The following CAMK1D variants were observed in gnomAD, a reference collection of about 807,000 sequenced individuals.
The protein encoded by CAMK1D is calcium/calmodulin-dependent protein kinase type 1D.
CAMK1D carries 9 observed loss-of-function variants against 47.7 expected under a neutral mutation model. The observed-to-expected ratio is 0.19, with a 90% CI of 0.11 to 0.33. CAMK1D has a LOEUF of 0.33. CAMK1D is among the 10% of genes least tolerant of loss of function. CAMK1D has a pLI of 1.00. For synonymous variants in CAMK1D, 184 were observed against 184.9 expected, an observed-to-expected ratio of 0.99 and a Z score of 0.04; for missense variants, 291 against 488.7, an observed-to-expected ratio of 0.60 and a Z score of 3.81.
At chr10:12,558,440 G>C (rs535964253) in intron 2 of CAMK1D, among the ~76,000 whole-genome samples, 1 of 152,220 alleles carries the variant, frequency 6.6e-6, no homozygotes, top group Admixed American at 6.5e-5. Context: ...TATAATCACA[G>C]CTACTTGGGA....
At chr10:12,396,027 C>G (rs559411194) in intron 1 of CAMK1D, among the ~76,000 whole-genome samples, 1 of 152,074 alleles carries the variant, frequency 6.6e-6, no homozygotes, top group African/African-American at 2.4e-5. Flanking sequence ...GTGCCCGCCA[C>G]CACACCTGGC....
At chr10:12,728,407 G>C (rs1173815760) in intron 3 of CAMK1D, among the ~76,000 whole-genome samples, 2 of 152,200 alleles carry the variant, frequency 1.3e-5, no homozygotes, top group African/African-American at 4.8e-5. Context: ...TATAATGTTA[G>C]TCCATTAGCA....
At chr10:12,544,797 GATA>G (rs1836308054) in intron 1 of CAMK1D, among the ~76,000 whole-genome samples, 1 of 151,160 alleles carries the variant, frequency 6.6e-6, no homozygotes, top group Non-Finnish European at 1.5e-5. Flanking sequence ...GTGTTGAGTG[GATA>G]GTACTAGTGT....
At chr10:12,531,992 C>T (rs991175616) in intron 1 of CAMK1D, among the ~76,000 whole-genome samples, 3 of 152,198 alleles carry the variant, frequency 2.0e-5, no homozygotes, top group Admixed American at 6.5e-5. Flanking sequence ...GTCCCTTACC[C>T]GGCTCTTCCC....
At chr10:12,776,538 T>C (rs958601620) in intron 5 of CAMK1D, among the ~76,000 whole-genome samples, 45 of 152,238 alleles carry the variant, frequency 3.0e-4, no homozygotes, top group African/African-American at 8.9e-4. Flanking sequence ...ACAGGCTGGG[T>C]TCCTGTGAGC....
chr10:12,776,271 T>C (rs1019351754), intron 5 of CAMK1D, among the ~76,000 whole-genome samples: 1 of 152,242 alleles, frequency 6.6e-6, no homozygotes, highest in African/African-American at 2.4e-5. Flanking sequence ...TCAAAGGTTT[T>C]TGGGCCTGAT....
At position 12,686,479 on chromosome 10, in the gene CAMK1D, G is replaced by A. The variant is rs1018629648; in HGVS notation, c.299+19669G>A. On this transcript the variant is annotated intron_variant, in intron 3 of 10. Transcript: ENST00000619168. ...TGGGATTACAGGCACGCACCACCACGTCCAGCTAATTTTTTGTTATTTTTA... is the reference window on the plus strand; with the variant it reads ...TGGGATTACAGGCACGCACCACCACATCCAGCTAATTTTTTGTTATTTTTA... 8.6e-5 allele frequency among the ~76,000 whole-genome samples: 13 copies of A among 151,872 alleles called. No individual in the cohort carries two copies. In the South Asian group the frequency reaches 2.3e-3, roughly 27 times the overall value.
rs1439045215 is a variant in CAMK1D at position 12,381,390 on chromosome 10, G to A, written c.92+31480G>A. Among the ~76,000 whole-genome samples the A allele has an allele frequency of 2.0e-5, 3 of 148,412 alleles. No individual in the cohort carries two copies. In the East Asian group the frequency reaches 5.9e-4, roughly 29 times the overall value. On this transcript the variant is annotated intron_variant, in intron 1 of 10. Coordinates refer to ENST00000619168, the MANE Select transcript of CAMK1D (RefSeq NM_153498.4). Reference sequence around the variant, plus strand: ...GGATTCTCCTTCTGTCACTCAGGCTGGAGTGCACGATCTTGGTTCACTCCA... The same window carrying A: ...GGATTCTCCTTCTGTCACTCAGGCTAGAGTGCACGATCTTGGTTCACTCCA...
chr10:12,455,271 A>G (rs1833206953), intron 1 of CAMK1D, among the ~76,000 whole-genome samples: 1 of 152,204 alleles, frequency 6.6e-6, no homozygotes. Context: ...TCCCGGGCTT[A>G]AGCAATCCTC....
chr10:12,822,854 A>G (rs1388821065), intron 8 of CAMK1D, among the ~76,000 whole-genome samples: 1 of 152,162 alleles, frequency 6.6e-6, no homozygotes, highest in East Asian at 1.9e-4. Flanking sequence ...CAAATACTCT[A>G]TTTCTGTTTC....
chr10:12,616,802 C>T (rs1249658253), intron 2 of CAMK1D, among the ~76,000 whole-genome samples: 1 of 152,154 alleles, frequency 6.6e-6, no homozygotes, highest in Non-Finnish European at 1.5e-5. Context: ...CAGGCCTGAG[C>T]CACCGCGCCT....
intron 2 of CAMK1D, among the ~76,000 whole-genome samples, chr10:12,661,357 G>A (rs1840269610): frequency 6.6e-6 from 1 of 152,224 alleles, no homozygotes; most frequent in Admixed American, 6.5e-5. Context: ...GGGCTAGGGA[G>A]TGAGAATAGA....
At chr10:12,811,479 T>C (rs1832604183) in intron 6 of CAMK1D, among the ~76,000 whole-genome samples, 1 of 152,244 alleles carries the variant, frequency 6.6e-6, no homozygotes, top group African/African-American at 2.4e-5. Context: ...TACTTTTAAA[T>C]CTTTTTTCTT....
intron 1 of CAMK1D, among the ~76,000 whole-genome samples, chr10:12,428,334 G>T (rs1840321774): frequency 6.6e-6 from 1 of 152,106 alleles, no homozygotes; most frequent in Non-Finnish European, 1.5e-5. Context: ...GGCTTTTTGT[G>T]AATTAGGTGG....
At position 12,722,317 on chromosome 10, in the gene CAMK1D, G is replaced by T. The variant is rs141493082; in HGVS notation, c.300-38631G>T. On this transcript the variant is annotated intron_variant, in intron 3 of 10. Coordinates refer to ENST00000619168, the MANE Select transcript of CAMK1D (RefSeq NM_153498.4). ...AACAATTAGCCGGGCTTGGTGGTGG[G>T]TGCCTGTAGTCCCAGCTACTAGGGA... Among the ~76,000 whole-genome samples, 756 of 151,520 alleles carry T rather than the reference G, an allele frequency of 5.0e-3. 12 individuals are homozygous for T. The highest frequency in any genetic ancestry group is 0.017 in the African/African-American group (706 of 41,332).
intron 1 of CAMK1D, among the ~76,000 whole-genome samples, chr10:12,461,965 CA>C (rs1289952289): frequency 7.1e-6 from 1 of 141,602 alleles, no homozygotes; most frequent in Non-Finnish European, 1.5e-5. Flanking sequence ...TCCACTTCAC[CA>C]GAATATTCCC....
chr10:12,469,004 G>A (rs1198316645), intron 1 of CAMK1D, among the ~76,000 whole-genome samples: 1 of 152,136 alleles, frequency 6.6e-6, no homozygotes, highest in Non-Finnish European at 1.5e-5. Flanking sequence ...TCCTGCCCGG[G>A]CAAGGTGGGG....
chr10:12,644,391 C>G (rs575960588), intron 2 of CAMK1D, among the ~76,000 whole-genome samples: 20 of 152,252 alleles, frequency 1.3e-4, no homozygotes, highest in East Asian at 9.7e-4. Flanking sequence ...AAGTCAATTC[C>G]CTTCATTTTT....
chr10:12,767,783 T>C (rs992003495), intron 4 of CAMK1D, among the ~76,000 whole-genome samples: 11 of 152,222 alleles, frequency 7.2e-5, no homozygotes, highest in African/African-American at 2.7e-4. Context: ...TCACTCACGC[T>C]TTAGTCTGGC....
Sources: allele counts gnomAD v4.1 joint callset (sites outside exome capture counted in the v4.1 genomes callset), GRCh38; gene constraint gnomAD v4.1.1; transcripts MANE v1.5; gene names NCBI Gene and HGNC (gene_info 2026-07-23, HGNC 2026-07-21).